The following TMEM132B variants were observed in gnomAD, a reference collection of about 807,000 sequenced individuals.
TMEM132B encodes transmembrane protein 132B.
TMEM132B carries 18 observed loss-of-function variants against 90.8 expected under a neutral mutation model. The ratio of observed to expected loss-of-function variants is 0.20; its 90% CI spans 0.14 to 0.29. The LOEUF is 0.29. Ranked by LOEUF, TMEM132B falls within the 10% of genes least tolerant of loss-of-function variation. The pLI is 1.00. For synonymous variants in TMEM132B, 504 were observed against 523.3 expected, an observed-to-expected ratio of 0.96 and a Z score of 0.50; for missense variants, 1,096 against 1,326.8, an observed-to-expected ratio of 0.83 and a Z score of 2.70.
chr12:125,488,708 G>C (rs894556910), intron 3 of TMEM132B, among the ~76,000 whole-genome samples: 1 of 152,200 alleles, frequency 6.6e-6, no homozygotes, highest in African/African-American at 2.4e-5. Flanking sequence ...TTTATCAGCA[G>C]CATGAAAACA....
intron 2 of TMEM132B, among the ~76,000 whole-genome samples, chr12:125,362,638 G>A (rs577779400): frequency 6.6e-6 from 1 of 152,258 alleles, no homozygotes; most frequent in East Asian, 1.9e-4. Flanking sequence ...TTGGCTCCTG[G>A]TAGCCACCAT....
At chr12:125,432,652 T>C (rs1241585079) in intron 3 of TMEM132B, among the ~76,000 whole-genome samples, 12 of 151,064 alleles carry the variant, frequency 7.9e-5, no homozygotes. Flanking sequence ...AGCATTACTT[T>C]TGCTGGTTGG....
At chr12:125,206,941 C>T (rs1047788369) in intron 1 of TMEM132B, among the ~76,000 whole-genome samples, 3 of 152,212 alleles carry the variant, frequency 2.0e-5, no homozygotes, top group African/African-American at 7.2e-5. Flanking sequence ...ATGCTTCTCG[C>T]AGAGGCTCCT....
rs182378381 is a variant in TMEM132B, at chr12:125,494,961, C to T, written c.1107-24478C>T. On this transcript the variant is annotated intron_variant, in intron 3 of 8. Transcript: ENST00000682704. The stretch of plus-strand genomic sequence containing the variant: ...TCCCCCTCTTCCCTGAAAATGGATG[C>T]GTCCCTCCTCCCCCTCCTCCCTGGA... Among the ~76,000 whole-genome samples the T allele has an allele frequency of 1.1e-3, 114 of 106,390 alleles. 5 individuals are homozygous for T. In the East Asian group the frequency reaches 0.035, roughly 33 times the overall value. The allele number at this position is 106,390 out of a possible 152,430, so 69.8% of individuals were successfully genotyped here.
intron 1 of TMEM132B, among the ~76,000 whole-genome samples, chr12:125,330,101 C>T (rs1419321828): frequency 6.6e-6 from 1 of 152,150 alleles, no homozygotes; most frequent in East Asian, 1.9e-4. Context: ...CTCTGGGTCA[C>T]GGGATGCGTG....
intron 3 of TMEM132B, among the ~76,000 whole-genome samples, chr12:125,466,730 C>T (rs1184249848): frequency 2.0e-5 from 3 of 152,212 alleles, no homozygotes; most frequent in African/African-American, 7.2e-5. Context: ...GGTCCAGATC[C>T]TGGGCCTGTG....
At chr12:125,413,645 A>C (rs1680174106) in intron 2 of TMEM132B, among the ~76,000 whole-genome samples, 1 of 152,226 alleles carries the variant, frequency 6.6e-6, no homozygotes, top group Non-Finnish European at 1.5e-5. Context: ...CACGTTATCG[A>C]GGTTCATCAC....
chr12:125,265,475 T>A (rs1004446942), intron 1 of TMEM132B, among the ~76,000 whole-genome samples: 5 of 152,222 alleles, frequency 3.3e-5, no homozygotes, highest in African/African-American at 4.8e-5. Context: ...TTTGCCGTAC[T>A]CATCGATTTT....
chr12:125,445,707 T>C lies in TMEM132B; in HGVS notation c.1106+30030T>C, dbSNP rs1283260410. On this transcript the variant is annotated intron_variant, in intron 3 of 8. Coordinates refer to ENST00000682704, the MANE Select transcript of TMEM132B (RefSeq NM_001366854.1). The surrounding 1 kb of genome is among the most constrained non-coding windows in gnomAD (Gnocchi z 4.3). Reference sequence around the variant, plus strand: ...GTACCATCTTGTTGGGGCCTTCTAGTGTGGACACTGTGCACCCCAGGCCTT... The same window carrying C: ...GTACCATCTTGTTGGGGCCTTCTAGCGTGGACACTGTGCACCCCAGGCCTT... 1.3e-5 allele frequency among the ~76,000 whole-genome samples: 2 copies of C among 152,182 alleles called. No homozygotes were observed. Among genetic ancestry groups the C allele is most frequent in the Non-Finnish European group, 2.9e-5 (2 of 68,036 alleles).
chr12:125,268,554 C>G (rs1874748523), intron 1 of TMEM132B, among the ~76,000 whole-genome samples: 1 of 152,140 alleles, frequency 6.6e-6, no homozygotes, highest in Admixed American at 6.5e-5. Flanking sequence ...AAAAACCAAA[C>G]CACGTGCAGA....
chr12:125,604,981 T>C (rs1296056947), intron 5 of TMEM132B, among the ~76,000 whole-genome samples: 2 of 152,130 alleles, frequency 1.3e-5, no homozygotes, highest in African/African-American at 4.8e-5. Flanking sequence ...ACAAAACTGT[T>C]TGGGGGTGAC....
intron 5 of TMEM132B, among the ~76,000 whole-genome samples, chr12:125,620,037 A>G (rs1036171469): frequency 6.6e-6 from 1 of 152,214 alleles, no homozygotes; most frequent in South Asian, 2.1e-4. Flanking sequence ...GTCATCAGTA[A>G]GATGGGCATC....
intron 3 of TMEM132B, among the ~76,000 whole-genome samples, chr12:125,465,778 G>A (rs1192020715): frequency 6.6e-6 from 1 of 152,190 alleles, no homozygotes. Context: ...GAGACACTTG[G>A]TCAGTCATTT....
At chr12:125,596,475 T>C (rs1052991403) in intron 5 of TMEM132B, among the ~76,000 whole-genome samples, 1 of 152,212 alleles carries the variant, frequency 6.6e-6, no homozygotes, top group Admixed American at 6.5e-5. Flanking sequence ...CATCCAGACA[T>C]TCAACATTTA....
In TMEM132B at chr12:125,261,599, G is replaced by C. The variant is rs984524710; in HGVS notation, c.67+74733G>C. 3.3e-5 allele frequency among the ~76,000 whole-genome samples: 5 copies of C among 152,306 alleles called. No individual in the cohort carries two copies. In the East Asian group the frequency reaches 9.7e-4, roughly 29 times the overall value. ...CTTATTAATATTCCGTGCTCCACAA[G>C]TGCAGAAAATTCAAATTGTCATTAG... On this transcript the variant is annotated intron_variant, in intron 1 of 8. Transcript: ENST00000682704.
Position 125,555,576 on chromosome 12 carries a change from T to A in TMEM132B, c.1294-28275T>A, listed in dbSNP as rs182214268. On this transcript the variant is annotated intron_variant, in intron 4 of 8. Coordinates refer to ENST00000682704, the MANE Select transcript of TMEM132B (RefSeq NM_001366854.1). Reference sequence around the variant, plus strand: ...AAAGGGCCTGTTGTGGGGTGGGGGGTGGGGGGAGGGATAGCATTAGGAGAT... The same window carrying A: ...AAAGGGCCTGTTGTGGGGTGGGGGGAGGGGGGAGGGATAGCATTAGGAGAT... Among the ~76,000 whole-genome samples, 685 of 74,372 alleles carry A rather than the reference T, an allele frequency of 9.2e-3. 7 individuals are homozygous for A. The highest frequency in any genetic ancestry group is 0.047 in the Middle Eastern group (3 of 64). 48.8% of individuals were successfully genotyped at this position (74,372 alleles called of 152,430 possible).
chr12:125,243,929 C>T (rs543721184), intron 1 of TMEM132B, among the ~76,000 whole-genome samples: 55 of 152,322 alleles, frequency 3.6e-4, no homozygotes, highest in African/African-American at 1.2e-3. Flanking sequence ...CCCCCTCTCC[C>T]CCCAGCCCCT....
intron 1 of TMEM132B, among the ~76,000 whole-genome samples, chr12:125,261,172 G>C (rs1874559737): frequency 1.3e-5 from 2 of 152,136 alleles, no homozygotes; most frequent in Non-Finnish European, 2.9e-5. Flanking sequence ...TTAGGGCAAA[G>C]ATACATCCTG....
At chr12:125,385,662 G>A (rs1245700352) in intron 2 of TMEM132B, among the ~76,000 whole-genome samples, 2 of 152,210 alleles carry the variant, frequency 1.3e-5, no homozygotes. Flanking sequence ...TACTTTGTAA[G>A]TAGGTTTGGC....
Sources: allele counts gnomAD v4.1 joint callset (sites outside exome capture counted in the v4.1 genomes callset), GRCh38; gene constraint gnomAD v4.1.1; non-coding constraint Gnocchi (gnomAD v3.1); transcripts MANE v1.5; gene names NCBI Gene and HGNC (gene_info 2026-07-23, HGNC 2026-07-21).